The following PALD1 variants were observed in gnomAD, a reference collection of about 807,000 sequenced individuals.
PALD1 encodes paladin.
In PALD1, 57 loss-of-function variants were observed where a neutral mutation model predicts 96.0. The observed-to-expected ratio is 0.59, with a 90% CI of 0.48 to 0.74. The LOEUF (loss-of-function observed/expected upper bound fraction) is 0.74. PALD1 is among the 30% of genes least tolerant of loss of function. PALD1 has a pLI of 0.00. For missense variants in PALD1, 1,063 were observed against 1,143.7 expected, an observed-to-expected ratio of 0.93 and a Z score of 1.02; for synonymous variants, 464 against 473.6, an observed-to-expected ratio of 0.98 and a Z score of 0.26.
chr10:70,527,797 A>T (rs12783459), intron 2 of PALD1, among the ~76,000 whole-genome samples: 125,069 of 151,398 alleles, frequency 0.83, 53,833 homozygotes, highest in East Asian at 1. Flanking sequence ...CACTTTTTTT[A>T]AAATTTAAGT....
Position 70,533,943 on chromosome 10 carries a change from C to T in PALD1, c.892C>T (p.Leu298Phe). ...CCAGGAGACCCCCAGCCTGCTGCAGCTCCGTGATGCCCACGGGCCTCCCCC... is the reference window on the plus strand; with the variant it reads ...CCAGGAGACCCCCAGCCTGCTGCAGTTCCGTGATGCCCACGGGCCTCCCCC... ...VLRETPSLLQLRDAHGPPPAL... is the reference protein window; with the variant it reads ...VLRETPSLLQFRDAHGPPPAL... The change falls in exon 8 of 20, where the codon CTC (leucine) becomes TTC (phenylalanine). Residue 298 changes from leucine (L) to phenylalanine (F), a missense_variant. Coordinates refer to ENST00000263563, the MANE Select transcript of PALD1 (RefSeq NM_014431.3). 1 of 1,606,592 alleles carries T rather than the reference C, an allele frequency of 6.2e-7. No homozygotes were observed. Among genetic ancestry groups the T allele is most frequent in the Non-Finnish European group, 8.5e-7 (1 of 1,175,836 alleles).
chr10:70,518,705 G>A (rs754508185), intron 1 of PALD1, among the ~76,000 whole-genome samples: 10 of 152,156 alleles, frequency 6.6e-5, no homozygotes, highest in Non-Finnish European at 8.8e-5. Context: ...GATAATATAC[G>A]TCAAACGCCT....
intron 1 of PALD1, among the ~76,000 whole-genome samples, chr10:70,499,768 G>C (rs1012105772): frequency 3.3e-5 from 5 of 152,202 alleles, no homozygotes; most frequent in Non-Finnish European, 7.3e-5. Context: ...TGTTTTGCCT[G>C]ATGGGCTGGT....
At chr10:70,491,951 C>G (rs1435799329) in intron 1 of PALD1, among the ~76,000 whole-genome samples, 1 of 152,180 alleles carries the variant, frequency 6.6e-6, no homozygotes, top group Non-Finnish European at 1.5e-5. Context: ...GAGTAACTTT[C>G]CATTGTATGG....
chr10:70,566,643 C>T lies in PALD1; in HGVS notation c.2481C>T (p.Ser827=), dbSNP rs369744949. 1.6e-5 allele frequency: 25 copies of T among 1,608,700 alleles called. No homozygotes were observed. The highest frequency in any genetic ancestry group is 2.2e-5 in the South Asian group (2 of 90,232). Residue 827 remains serine (S), a synonymous_variant, in exon 20 of 20, where the codon AGC becomes AGT. Transcript: ENST00000263563. ...LNELGFPELE[S]GEDQPFSRLR... is the part of the protein sequence containing the mutation. Reference sequence around the variant, plus strand: ...AGCTGGGCTTCCCCGAGCTGGAGAGCGGGGAGGACCAGCCCTTCTCCAGGC... The same window carrying T: ...AGCTGGGCTTCCCCGAGCTGGAGAGTGGGGAGGACCAGCCCTTCTCCAGGC...
chr10:70,476,948 T>C (rs1351514785), upstream of PALD1, among the ~76,000 whole-genome samples: 1 of 152,146 alleles, frequency 6.6e-6, no homozygotes, highest in Non-Finnish European at 1.5e-5. Flanking sequence ...TGTATGTATA[T>C]ATGTGTGCAT....
At chr10:70,509,031 G>A (rs1221204141) in intron 1 of PALD1, among the ~76,000 whole-genome samples, 1 of 152,182 alleles carries the variant, frequency 6.6e-6, no homozygotes, top group African/African-American at 2.4e-5. Flanking sequence ...GTTTCCTCCA[G>A]CTGGCCACTC....
At chr10:70,512,021 G>A (rs982556504) in intron 1 of PALD1, among the ~76,000 whole-genome samples, 3 of 151,940 alleles carry the variant, frequency 2.0e-5, no homozygotes, top group South Asian at 2.1e-4. Context: ...GCGAGACTCC[G>A]TCTCAAAAGA....
intron 2 of PALD1, among the ~76,000 whole-genome samples, chr10:70,526,805 C>T (rs1287540788): frequency 6.6e-6 from 1 of 152,238 alleles, no homozygotes; most frequent in Admixed American, 6.5e-5. Flanking sequence ...AAGCCTTGTA[C>T]TTTCCACACC....
chr10:70,563,791 G>A (rs1470268915), intron 18 of PALD1, among the ~76,000 whole-genome samples: 1 of 152,214 alleles, frequency 6.6e-6, no homozygotes, highest in East Asian at 1.9e-4. Flanking sequence ...GGATTGAGGG[G>A]AGGAGATTGA....
At chr10:70,524,711 A>G (rs1354338429) in intron 1 of PALD1, among the ~76,000 whole-genome samples, 1 of 152,108 alleles carries the variant, frequency 6.6e-6, no homozygotes, top group Non-Finnish European at 1.5e-5. Flanking sequence ...ATGTCTTTCC[A>G]TGTCAGCCAA....
upstream of PALD1, among the ~76,000 whole-genome samples, chr10:70,477,737 G>A (rs1845848177): frequency 6.6e-6 from 1 of 152,186 alleles, no homozygotes; most frequent in Admixed American, 6.5e-5. Context: ...CCTGACAGAG[G>A]TGGGGCCTAC....
intron 18 of PALD1, among the ~76,000 whole-genome samples, chr10:70,554,280 T>C (rs917881569): frequency 1.3e-5 from 2 of 152,040 alleles, no homozygotes; most frequent in Non-Finnish European, 2.9e-5. Flanking sequence ...AATACAAAAA[T>C]TAGCCGAGCG....
rs1847225402 is a variant in PALD1, at chr10:70,540,754, G to T, written c.1909-348G>T. Among the ~76,000 whole-genome samples the T allele has an allele frequency of 6.6e-6, 1 of 152,190 alleles. No individual in the cohort carries two copies. The highest frequency in any genetic ancestry group is 6.5e-5 in the Admixed American group (1 of 15,286). On this transcript the variant is annotated intron_variant, in intron 15 of 19. Coordinates refer to ENST00000263563, the MANE Select transcript of PALD1 (RefSeq NM_014431.3). This position sits in a 1 kb window ranked among gnomAD's most constrained non-coding sequence, Gnocchi z 4.2. Reference sequence around the variant, plus strand: ...GGGTCCAGCTCAGGTGGGTGGCAGGGCCAGCAGTCTATGTGCAGCCCAGGG... The same window carrying T: ...GGGTCCAGCTCAGGTGGGTGGCAGGTCCAGCAGTCTATGTGCAGCCCAGGG...
At chr10:70,541,422 G>A (rs369732217) in intron 16 of PALD1, 41 bp from the exon 17 acceptor site, 80 of 1,596,880 alleles carry the variant, frequency 5.0e-5, no homozygotes, top group East Asian at 1.1e-4. Context: ...GGCTCCTGGC[G>A]TTGGGAGGGG....
chr10:70,548,728 A>G lies in PALD1; in HGVS notation c.2262+1282A>G, dbSNP rs1302390969. 5.3e-5 allele frequency among the ~76,000 whole-genome samples: 8 copies of G among 152,226 alleles called. No homozygotes were observed. The East Asian group carries it at 9.6e-4, about 18-fold the overall frequency. On this transcript the variant is annotated intron_variant, in intron 18 of 19. Transcript: ENST00000263563. ...AGGGGGCCTGCCCCAAGCCAGCCCTATGCTCGGCTGTAGCTGTGCACACAT... is the reference window on the plus strand; with the variant it reads ...AGGGGGCCTGCCCCAAGCCAGCCCTGTGCTCGGCTGTAGCTGTGCACACAT...
At chr10:70,530,109 G>A in intron 4 of PALD1, 41 bp downstream of exon 4, 1 of 1,468,116 alleles carries the variant, frequency 6.8e-7, no homozygotes, top group Non-Finnish European at 9.1e-7. Context: ...GGTCCCCAAA[G>A]CCAGGGAGAG....
intron 18 of PALD1, among the ~76,000 whole-genome samples, chr10:70,553,382 C>T (rs6480458): frequency 0.82 from 125,169 of 152,046 alleles, 51,879 homozygotes; most frequent in African/African-American, 0.91. Context: ...TTGGATGTGG[C>T]TGGAGTCTGT....
Position 70,533,088 on chromosome 10 carries a change from G to T in PALD1, c.870+18G>T. ...TTCTCCGGGTAACTGGGGCACGGGC[G>T]CGCATGGGGGAGGAGTCTTGAGAGT... On this transcript the variant is annotated intron_variant, in intron 7 of 19. Coordinates refer to ENST00000263563, the MANE Select transcript of PALD1 (RefSeq NM_014431.3). The T allele has an allele frequency of 6.4e-7, 1 of 1,560,792 alleles. No homozygotes were observed.
Sources: allele counts gnomAD v4.1 joint callset (sites outside exome capture counted in the v4.1 genomes callset), GRCh38; gene constraint gnomAD v4.1.1; non-coding constraint Gnocchi (gnomAD v3.1); transcripts MANE v1.5; gene names NCBI Gene and HGNC (gene_info 2026-07-23, HGNC 2026-07-21).